MYO15B: variants seen among roughly 807,000 people sequenced by gnomAD.
MYO15B encodes the protein myosin XVB pseudogene.
A neutral mutation model predicts 119.3 loss-of-function variants in MYO15B; 207 were observed. The ratio of observed to expected loss-of-function variants is 1.73; its 90% CI spans 1.55 to 1.95. The LOEUF is 1.95. Among genes scored for constraint, MYO15B ranks in the 30% most tolerant of loss-of-function variants. The pLI is 0.00. For missense variants in MYO15B, 2,264 were observed against 1,203.1 expected (o/e 1.88, Z -13.04); for synonymous variants, 966 against 498.9 (o/e 1.94, Z -12.48).
chr17:75,614,489 A>G (rs2058238233), intron 30 of MYO15B, 94 bp from the exon 31 acceptor site: 1 of 529,732 alleles, frequency 1.9e-6, no homozygotes, highest in Non-Finnish European at 3.5e-6. Context: ...CCTCCCAACC[A>G]TGGGGTGACC....
chr17:75,623,818 G>T lies in MYO15B; in HGVS notation c.8120G>T (p.Cys2707Phe). Residue 2707 changes from cysteine (C) to phenylalanine (F), a missense_variant, in exon 54 of 64, where the codon TGC (cysteine) becomes TTC (phenylalanine). Physicochemically the swap from Cys to Phe is radical, Grantham distance 205 (BLOSUM62 -2). Transcript: ENST00000645453. ...GAGAAGCTGAGGGATGAGATTTACT[G>T]CCAGGTTATCAAGCAGGTCACGGGA... 4.3e-6 allele frequency: 3 copies of T among 702,980 alleles called. No homozygotes were observed. The East Asian group carries it at 8.0e-5, about 19-fold the overall frequency. The allele number at this position is 702,980 out of a possible 1,614,324, so 43.5% of individuals were successfully genotyped here. A position where few individuals can be genotyped will look rare whatever the true frequency, so the allele number is the denominator to read the frequency against.
At position 75,593,032 on chromosome 17, in the gene MYO15B, C is replaced by T. The variant is rs78512021; in HGVS notation, c.2991+192C>T. 6.3e-4 allele frequency: 343 copies of T among 544,852 alleles called. 3 individuals carry two copies. In the East Asian group the frequency reaches 0.01, roughly 16 times the overall value. The allele number at this position is 544,852 out of a possible 1,614,324, so 33.8% of individuals were successfully genotyped here. On this transcript the variant is annotated intron_variant, in intron 9 of 63. Transcript: ENST00000645453. ...CTCCACTCTCCCAATGTCTGTGCCT[C>T]TAAGCTGCCACCCCTAAGAACATCT...
At chr17:75,602,354 G>A (rs1425975234) in intron 15 of MYO15B, 163 bp from the exon 16 acceptor site, 9 of 699,820 alleles carry the variant, frequency 1.3e-5, no homozygotes, top group Admixed American at 4.0e-5. Flanking sequence ...GGAAAGTCCA[G>A]TGGCAGACCC....
At chr17:75,618,228 C>A (rs1025543814) in intron 43 of MYO15B, 43 bp downstream of exon 43, 4 of 702,226 alleles carry the variant, frequency 5.7e-6, no homozygotes, top group African/African-American at 5.2e-5. Flanking sequence ...TCTGCAGAGA[C>A]AGCATCCTTC....
rs1396498205 is a variant in MYO15B at position 75,615,493 on chromosome 17, G to A, written c.5741-10G>A. 13 of 686,690 alleles carry A rather than the reference G, an allele frequency of 1.9e-5. No homozygotes were observed. The highest frequency in any genetic ancestry group is 3.2e-5 in the Non-Finnish European group (12 of 376,552). 42.5% of individuals were successfully genotyped at this position (686,690 alleles called of 1,614,324 possible). A position where few individuals can be genotyped will look rare whatever the true frequency, so the allele number is the denominator to read the frequency against. On this transcript the variant is annotated splice_polypyrimidine_tract_variant and intron_variant, in intron 34 of 63. Transcript: ENST00000645453. ...GTGCCCACCACTCTGGCCGCCTGCC[G>A]CCCTCACAGCCATGGTGGTGCCGCC...
Position 75,618,164 on chromosome 17 carries a change from C to T in MYO15B, c.6966C>T (p.Tyr2322=), listed in dbSNP as rs761376892. 13 of 703,138 alleles carry T rather than the reference C, an allele frequency of 1.8e-5. 1 individual carries two copies. The highest frequency in any genetic ancestry group is 2.3e-4 in the Middle Eastern group (1 of 4,394). 43.6% of individuals were successfully genotyped at this position (703,138 alleles called of 1,614,324 possible). ...GGGAGAACTTCAGCCATCCCTACTA[C>T]CTGAGGCTCCTCTGTGAGCAGGTGA... The change falls in exon 43 of 64, where the codon TAC becomes TAT. Residue 2322 remains tyrosine, a synonymous_variant. Transcript: ENST00000645453.
chr17:75,625,135 T>C, exon 60 of MYO15B: 1 of 698,610 alleles, frequency 1.4e-6, no homozygotes, highest in Non-Finnish European at 2.6e-6. Context: ...GCTGTGGGAC[T>C]ACCTTCAGGG....
rs781125446 is a variant in MYO15B at position 75,602,960 on chromosome 17, C to T, written c.3845+15C>T. On this transcript the variant is annotated intron_variant, in intron 17 of 63. Transcript: ENST00000645453. ...CGGCTGGGCAGGTAAGAACAGCGCC[C>T]GCCACACCAGACCCCAGGGAGTTGT... 2.1e-4 allele frequency: 149 copies of T among 697,168 alleles called. No individual in the cohort carries two copies. Among genetic ancestry groups the T allele is most frequent in the East Asian group, 1.7e-3 (64 of 37,240 alleles). 43.2% of individuals were successfully genotyped at this position (697,168 alleles called of 1,614,324 possible). A position where few individuals can be genotyped will look rare whatever the true frequency, so the allele number is the denominator to read the frequency against.
chr17:75,619,355 CA>C lies in MYO15B; in HGVS notation c.7064-2del, dbSNP rs1198199794. The C allele has an allele frequency of 7.1e-6, 5 of 702,564 alleles. No individual in the cohort carries two copies. The African/African-American group carries it at 8.7e-5, about 12-fold the overall frequency. 43.5% of individuals were successfully genotyped at this position (702,564 alleles called of 1,614,324 possible). A position where few individuals can be genotyped will look rare whatever the true frequency, so the allele number is the denominator to read the frequency against. ...GGGCAGCCTGGGTCCTTCCTGCCCA[CA>C]GGAGGCTTGGAGGTGGACCTGGATT... On this transcript the variant is annotated splice_acceptor_variant, in intron 44 of 63. Coordinates refer to ENST00000645453, the Ensembl canonical transcript of MYO15B. LOFTEE classifies it high-confidence loss of function.
chr17:75,613,224 A>C lies in MYO15B; in HGVS notation c.4967+15A>C. ...CCACTGCTCAAGTAAGGGGCCTGGG[A>C]GGTGGGGACCTGGCAGGTGGGGTCG... On this transcript the variant is annotated intron_variant, in intron 27 of 63. Transcript: ENST00000645453. The C allele has an allele frequency of 1.5e-6, 1 of 683,732 alleles. No individual in the cohort carries two copies. Among genetic ancestry groups the C allele is most frequent in the East Asian group, 2.7e-5 (1 of 36,738 alleles). 42.4% of individuals were successfully genotyped at this position (683,732 alleles called of 1,614,324 possible).
chr17:75,623,910 G>GGCCT (rs2058856893), intron 54 of MYO15B, 39 bp from the exon 55 acceptor site: 1 of 702,844 alleles, frequency 1.4e-6, no homozygotes. Flanking sequence ...TGGGCACTGT[G>GGCCT]GCCTGGCCAG....
At chr17:75,588,650 C>A in exon 1 of MYO15B, 1 of 400,896 alleles carries the variant, frequency 2.5e-6, no homozygotes, top group Non-Finnish European at 4.4e-6. Context: ...AAAACCGGGC[C>A]GGAGTCAGCG....
At chr17:75,615,791 C>T (rs758002562) in exon 36 of MYO15B, 2 of 702,604 alleles carry the variant, frequency 2.8e-6, no homozygotes, top group Non-Finnish European at 2.6e-6. Context: ...CGTCCCAGGC[C>T]TCACCCTCAG....
exon 1 of MYO15B, among the ~76,000 whole-genome samples, chr17:75,587,821 G>A (rs2056166334): frequency 6.6e-6 from 1 of 152,276 alleles, no homozygotes; most frequent in Non-Finnish European, 1.5e-5. Context: ...GTCCGCAGCT[G>A]TAGCGTCTCC....
intron 14 of MYO15B, among the ~76,000 whole-genome samples, chr17:75,599,895 AAATAATAAT>A (rs139880034): frequency 2.8e-4 from 41 of 145,628 alleles, no homozygotes; most frequent in African/African-American, 7.6e-4. Context: ...ACTCGTCTCA[AAATAATAAT>A]AATAATAATA....
At chr17:75,588,592 G>C (rs1238402818) in exon 1 of MYO15B, 5 of 399,484 alleles carry the variant, frequency 1.3e-5, no homozygotes, top group African/African-American at 8.2e-5. Context: ...CACAGCCCGG[G>C]AGCTGCGGCC....
chr17:75,596,450 A>G lies in MYO15B; in HGVS notation c.3298-10A>G, dbSNP rs1259143880. The stretch of plus-strand genomic sequence containing the variant: ...CCCCATGTGCCCACCTCACTGCCAC[A>G]TGCCCCCAGGCCCTGCGGGTGAATG... On this transcript the variant is annotated splice_polypyrimidine_tract_variant and intron_variant, in intron 12 of 63. Transcript: ENST00000645453. 2 of 702,980 alleles carry G rather than the reference A, an allele frequency of 2.8e-6. No individual in the cohort carries two copies. The highest frequency in any genetic ancestry group is 3.0e-5 in the South Asian group (2 of 67,596). 43.5% of individuals were successfully genotyped at this position (702,980 alleles called of 1,614,324 possible).
In MYO15B at chr17:75,603,271, CA is replaced by C. The variant is rs1164716842; in HGVS notation, c.3977del (p.Asn1326ThrfsTer36). 1.4e-6 allele frequency: 1 copy of C among 703,118 alleles called. No homozygotes were observed. The highest frequency in any genetic ancestry group is 2.6e-6 in the Non-Finnish European group (1 of 385,038). The allele number at this position is 703,118 out of a possible 1,614,324, so 43.6% of individuals were successfully genotyped here. A position where few individuals can be genotyped will look rare whatever the true frequency, so the allele number is the denominator to read the frequency against. On this transcript the variant is annotated frameshift_variant, in exon 19 of 64. Transcript: ENST00000645453. LOFTEE classifies it high-confidence loss of function. ...TGGAGGCCGTGGGCACCCGCAGTGCCAACTTCCCCGTGCGTGTGCCCTTTGA... is the reference window on the plus strand; with the variant it reads ...TGGAGGCCGTGGGCACCCGCAGTGCCACTTCCCCGTGCGTGTGCCCTTTGA...
chr17:75,602,882 G>A lies in MYO15B; in HGVS notation c.3782G>A (p.Gly1261Asp), dbSNP rs761313003. The A allele has an allele frequency of 4.4e-6, 3 of 681,542 alleles. No homozygotes were observed. In the South Asian group the frequency reaches 4.7e-5, roughly 11 times the overall value. 42.2% of individuals were successfully genotyped at this position (681,542 alleles called of 1,614,324 possible). The change falls in exon 17 of 64, where the codon GGC (glycine) becomes GAC (aspartate). Residue 1261 changes from glycine to aspartate, a missense_variant. Physicochemically the swap from Gly to Asp is moderately conservative, Grantham distance 94. Coordinates refer to ENST00000645453, the Ensembl canonical transcript of MYO15B. ...GAGCCCCAGTCCAGGGGAGGGCGAG[G>A]CAGACCCACGCTGGCCTCTCGCTTC...
Sources: allele counts gnomAD v4.1 joint callset (sites outside exome capture counted in the v4.1 genomes callset), GRCh38; gene constraint gnomAD v4.1.1; transcripts MANE v1.5; gene names NCBI Gene and HGNC (gene_info 2026-07-23, HGNC 2026-07-21).